The following IRS1 variants were observed in gnomAD, a reference collection of about 807,000 sequenced individuals.
IRS1 encodes the protein insulin receptor substrate 1.
Under a neutral mutation model 65.6 loss-of-function variants are expected in IRS1, and 34 were observed. That is an observed-to-expected ratio of 0.52 (90% CI 0.39 to 0.69). The LOEUF (loss-of-function observed/expected upper bound fraction) is 0.69. Ranked by LOEUF, IRS1 falls within the 30% of genes least tolerant of loss-of-function variation. The pLI is 0.00. For missense variants in IRS1, 1,641 were observed against 1,720.2 expected (o/e 0.95, Z 0.81); for synonymous variants, 699 against 683.5 (o/e 1.02, Z -0.35).
intron 1 of IRS1, among the ~76,000 whole-genome samples, chr2:226,763,546 A>G (rs1938964097): frequency 1.3e-5 from 2 of 152,216 alleles, no homozygotes; most frequent in African/African-American, 2.4e-5. Context: ...AAAAGATGCC[A>G]TCTGCTTTCC....
intron 1 of IRS1, among the ~76,000 whole-genome samples, chr2:226,744,480 AGGCAGG>A (rs1938498988): frequency 6.6e-6 from 1 of 152,180 alleles, no homozygotes; most frequent in Non-Finnish European, 1.5e-5. Context: ...CATACATCTA[AGGCAGG>A]GGTCCTCAAT....
In IRS1 at chr2:226,796,124, G is replaced by A; in HGVS notation, c.2615C>T (p.Pro872Leu). ...SLGDPKASTL[P>L]RAREQQQQQQ... ...CTGCTGCTGCTGCTCTCGGGCCCGA[G>A]GTAAGGTGCTGGCCTTGGGATCCCC... is the stretch of plus-strand genomic sequence containing the variant. The change falls in exon 1 of 2, where the codon CCT becomes CTT. Residue 872 changes from proline to leucine, a missense_variant. Transcript: ENST00000305123. 6.2e-7 allele frequency: 1 copy of A among 1,613,654 alleles called. No individual in the cohort carries two copies. Among genetic ancestry groups the A allele is most frequent in the Middle Eastern group, 1.6e-4 (1 of 6,062 alleles).
chr2:226,795,174 T>A lies in IRS1; in HGVS notation c.3565A>T (p.Lys1189Ter). Residue 1189 changes from lysine (K) to a stop codon, truncating the protein, a stop_gained, in exon 1 of 2, where the codon AAA becomes TAA. Coordinates refer to ENST00000305123, the MANE Select transcript of IRS1 (RefSeq NM_005544.3). LOFTEE classifies it high-confidence loss of function. ...YIDLDLVKDF[K>*]QCPQECTPEP... ...GGGGTGCACTCCTGAGGGCACTGTT[T>A]GAAGTCCTTGACCAAATCCAGGTCT... is the stretch of plus-strand genomic sequence containing the variant. 1 of 1,613,898 alleles carries A rather than the reference T, an allele frequency of 6.2e-7. No homozygotes were observed. Among genetic ancestry groups the A allele is most frequent in the Non-Finnish European group, 8.5e-7 (1 of 1,179,992 alleles).
chr2:226,737,559 A>G (rs1938352698), intron 1 of IRS1, among the ~76,000 whole-genome samples: 1 of 152,234 alleles, frequency 6.6e-6, no homozygotes, highest in African/African-American at 2.4e-5. Flanking sequence ...TAGGAAGTGT[A>G]GAAAGCTGGA....
rs1939823248 is a variant in IRS1, at chr2:226,798,856, C to T, written c.-118G>A. The T allele has an allele frequency of 3.3e-6, 5 of 1,532,784 alleles. No individual in the cohort carries two copies. The highest frequency in any genetic ancestry group is 2.8e-5 in the African/African-American group (2 of 72,590). The allele number at this position is 1,532,784 out of a possible 1,614,324, so 94.9% of individuals were successfully genotyped here. A position where few individuals can be genotyped will look rare whatever the true frequency, so the allele number is the denominator to read the frequency against. The stretch of plus-strand genomic sequence containing the variant: ...CAAACAGGGCTGGAGGCAGCAGAAA[C>T]CCCGACTCTGAAATCCACGCCGCCC... On this transcript the variant is annotated 5_prime_UTR_variant, in exon 1 of 2. Coordinates refer to ENST00000305123, the MANE Select transcript of IRS1 (RefSeq NM_005544.3). This position sits in a 1 kb window ranked among gnomAD's most constrained non-coding sequence, Gnocchi z 9.4.
chr2:226,751,719 G>A (rs1169360297), intron 1 of IRS1, among the ~76,000 whole-genome samples: 1 of 152,150 alleles, frequency 6.6e-6, no homozygotes, highest in East Asian at 1.9e-4. Flanking sequence ...CAAAATGAAT[G>A]CGGGTGACTC....
At chr2:226,757,685 G>A (rs1451653981) in intron 1 of IRS1, among the ~76,000 whole-genome samples, 1 of 152,124 alleles carries the variant, frequency 6.6e-6, no homozygotes, top group Non-Finnish European at 1.5e-5. Context: ...CTTATAATCT[G>A]AAAATATGTA....
chr2:226,795,205 G>A lies in IRS1; in HGVS notation c.3534C>T (p.Asn1178=). The A allele has an allele frequency of 6.2e-7, 1 of 1,614,024 alleles. No homozygotes were observed. Among genetic ancestry groups the A allele is most frequent in the African/African-American group, 1.3e-5 (1 of 75,032 alleles). The change falls in exon 1 of 2, where the codon AAC becomes AAT. Residue 1178 remains asparagine, a synonymous_variant. Transcript: ENST00000305123. ...GAAGGLENGL[N]YIDLDLVKDF... ...CCTTGACCAAATCCAGGTCTATGTA[G>A]TTAAGACCATTCTCCAAACCCCCAG... is the stretch of plus-strand genomic sequence containing the variant.
intron 1 of IRS1, among the ~76,000 whole-genome samples, chr2:226,791,739 G>GCGCCCAACCGCCC (rs1195412297): frequency 6.3e-4 from 96 of 151,992 alleles, no homozygotes; most frequent in African/African-American, 2.2e-3. Flanking sequence ...GGGCCAATCA[G>GCGCCCAACCGCCC]CGCCCAACCG....
intron 1 of IRS1, among the ~76,000 whole-genome samples, chr2:226,745,100 G>C (rs975696088): frequency 1.3e-5 from 2 of 152,196 alleles, no homozygotes; most frequent in Non-Finnish European, 1.5e-5. Flanking sequence ...GGAAATGCAA[G>C]TCATAAAGAT....
At position 226,798,204 on chromosome 2, in the gene IRS1, G is replaced by C. The variant is rs1442749044; in HGVS notation, c.535C>G (p.Leu179Val). 1.2e-6 allele frequency: 2 copies of C among 1,613,814 alleles called. No homozygotes were observed. The highest frequency in any genetic ancestry group is 2.7e-5 in the African/African-American group (2 of 74,918). The change falls in exon 1 of 2, where the codon CTG (leucine) becomes GTG (valine). Residue 179 changes from leucine (L) to valine (V), a missense_variant. This residue lies in a region of IRS1 where 77 missense variants were observed against 129.6 expected (regional missense o/e 0.59). Coordinates refer to ENST00000305123, the MANE Select transcript of IRS1 (RefSeq NM_005544.3). The surrounding 1 kb of genome is among the most constrained non-coding windows in gnomAD (Gnocchi z 9.4). Reference sequence around the variant, plus strand: ...AGGCAAAGGCGGTAGATACCAATCAGGTTCTTTGTCTGACCCAGGCCCTTG... The same window carrying C: ...AGGCAAAGGCGGTAGATACCAATCACGTTCTTTGTCTGACCCAGGCCCTTG... ...KPKGLGQTKN[L>V]IGIYRLCLTS... is the part of the protein sequence containing the mutation.
At chr2:226,737,738 G>A (rs909062468) in intron 1 of IRS1, among the ~76,000 whole-genome samples, 2 of 152,172 alleles carry the variant, frequency 1.3e-5, no homozygotes, top group Non-Finnish European at 2.9e-5. Flanking sequence ...GGGTGTAAGG[G>A]GAGCATCTCA....
chr2:226,742,726 A>AAAAAAAAAAAAAAAAAAAG lies in IRS1; in HGVS notation c.*22-6477_*22-6476insCTTTTTTTTTTTTTTTTTT, dbSNP rs1431863272. Among the ~76,000 whole-genome samples the AAAAAAAAAAAAAAAAAAAG allele has an allele frequency of 1.6e-3, 240 of 147,788 alleles. 4 individuals carry two copies. The highest frequency in any genetic ancestry group is 5.4e-3 in the East Asian group (25 of 4,660). On this transcript the variant is annotated intron_variant, in intron 1 of 1. Coordinates refer to ENST00000305123, the MANE Select transcript of IRS1 (RefSeq NM_005544.3). ...CACACGCATTATGAAAAAAAAAAAAAAGAAGACCGAAAGGCGACCATCAAG... is the reference window on the plus strand; with the variant it reads ...CACACGCATTATGAAAAAAAAAAAAAAAAAAAAAAAAAAAAAAAGAGAAGACCGAAAGGCGACCATCAAG...
intron 1 of IRS1, among the ~76,000 whole-genome samples, chr2:226,745,601 A>G (rs1052322331): frequency 1.9e-4 from 29 of 152,222 alleles, no homozygotes; most frequent in African/African-American, 7.0e-4. Context: ...AACACAGGAG[A>G]GCATTGCCCA....
At chr2:226,782,117 G>T (rs538629693) in intron 1 of IRS1, among the ~76,000 whole-genome samples, 97 of 152,178 alleles carry the variant, frequency 6.4e-4, no homozygotes, top group Admixed American at 1.2e-3. Flanking sequence ...GAATTGGGAA[G>T]GGGGGCAGAG....
intron 1 of IRS1, among the ~76,000 whole-genome samples, chr2:226,744,138 G>A (rs1164808410): frequency 1.3e-5 from 2 of 152,168 alleles, no homozygotes; most frequent in Admixed American, 6.5e-5. Context: ...AGCGGACTGA[G>A]GTAAGAATCA....
In IRS1 at chr2:226,751,058, G is replaced by A. The variant is rs148391333; in HGVS notation, c.*22-14808C>T. ...ATAAGGAGGCTACACCACAAGCCATGTCTGCAGGGTGAATGGGCTTTGACT... is the reference window on the plus strand; with the variant it reads ...ATAAGGAGGCTACACCACAAGCCATATCTGCAGGGTGAATGGGCTTTGACT... On this transcript the variant is annotated intron_variant, in intron 1 of 1. Transcript: ENST00000305123. 8.7e-3 allele frequency among the ~76,000 whole-genome samples: 1,325 copies of A among 152,250 alleles called. 25 individuals carry two copies. Among genetic ancestry groups the A allele is most frequent in the African/African-American group, 0.029 (1,210 of 41,540 alleles).
rs770861488 is a variant in IRS1, at chr2:226,733,986, G to A, written c.*2286C>T. ...ACATGTTGATAATTCCACATGTAGA[G>A]GTATCTCGGTAACACATATTCAAAG... On this transcript the variant is annotated 3_prime_UTR_variant, in exon 2 of 2. Transcript: ENST00000305123. The A allele has an allele frequency of 1.3e-5, 2 of 152,116 alleles. No homozygotes were observed. The highest frequency in any genetic ancestry group is 2.4e-5 in the African/African-American group (1 of 41,420). 9.4% of individuals were successfully genotyped at this position (152,116 alleles called of 1,614,324 possible). A position where few individuals can be genotyped will look rare whatever the true frequency, so the allele number is the denominator to read the frequency against.
chr2:226,742,088 T>G (rs564347555), intron 1 of IRS1, among the ~76,000 whole-genome samples: 1 of 152,180 alleles, frequency 6.6e-6, no homozygotes, highest in Non-Finnish European at 1.5e-5. Context: ...TTAACTATGG[T>G]CATATTGCTG....
Sources: allele counts gnomAD v4.1 joint callset (sites outside exome capture counted in the v4.1 genomes callset), GRCh38; gene constraint gnomAD v4.1.1; regional missense constraint gnomAD v4.1.1; non-coding constraint Gnocchi (gnomAD v3.1); transcripts MANE v1.5; gene names NCBI Gene and HGNC (gene_info 2026-07-23, HGNC 2026-07-21).